TAS2R1: variants seen among roughly 807,000 people sequenced by gnomAD.
The protein encoded by TAS2R1 is taste 2 receptor member 1, also known as taste receptor type 2 member 1.
For missense variants in TAS2R1, 370 were observed against 353.4 expected, an observed-to-expected ratio of 1.05 and a Z score of -0.38; for synonymous variants, 141 against 134.2, an observed-to-expected ratio of 1.05 and a Z score of -0.35.
the TAS2R1 span, among the ~76,000 whole-genome samples, chr5:9,798,141 T>C: frequency 6.6e-6 from 1 of 152,184 alleles, no homozygotes; most frequent in Non-Finnish European, 1.5e-5. Context: ...TCCCATGGTG[T>C]ACGATTTGAT....
chr5:9,736,282 G>A, the TAS2R1 span, among the ~76,000 whole-genome samples: 76 of 152,292 alleles, frequency 5.0e-4, no homozygotes, highest in African/African-American at 1.7e-3. Context: ...CTGTGGGACC[G>A]CAGAAAGCTA....
At chr5:9,758,949 G>C in the TAS2R1 span, among the ~76,000 whole-genome samples, 1 of 152,064 alleles carries the variant, frequency 6.6e-6, no homozygotes, top group East Asian at 1.9e-4. Context: ...ATGAAAAAAC[G>C]CTGATATTTA....
At chr5:9,682,127 ATG>A (rs796346898) in intron 1 of TAS2R1, among the ~76,000 whole-genome samples, 8 of 152,348 alleles carry the variant, frequency 5.3e-5, no homozygotes, top group African/African-American at 1.9e-4. Context: ...AAATGAGAGT[ATG>A]TATTACAAAG....
chr5:9,652,342 A>T (rs1458270163), intron 2 of TAS2R1, among the ~76,000 whole-genome samples: 1 of 152,166 alleles, frequency 6.6e-6, no homozygotes, highest in East Asian at 1.9e-4. Context: ...ACTTCCCAGG[A>T]TCCCTTGGAT....
the TAS2R1 span, among the ~76,000 whole-genome samples, chr5:9,797,990 C>T: frequency 1.3e-5 from 2 of 152,098 alleles, no homozygotes; most frequent in Non-Finnish European, 2.9e-5. Context: ...TGGAAACAAT[C>T]GGGATACCCA....
the TAS2R1 span, among the ~76,000 whole-genome samples, chr5:9,875,748 G>A: frequency 6.6e-6 from 1 of 152,164 alleles, no homozygotes; most frequent in Admixed American, 6.5e-5. Context: ...CCCCAAAAGT[G>A]AGCAGCATCT....
chr5:9,685,802 T>C (rs115465681), intron 1 of TAS2R1, among the ~76,000 whole-genome samples: 1,627 of 152,318 alleles, frequency 0.011, 23 homozygotes, highest in African/African-American at 0.036. Flanking sequence ...CAGAATTAAA[T>C]ATTGTTAAAT....
At chr5:9,771,894 T>G in the TAS2R1 span, among the ~76,000 whole-genome samples, 1 of 152,122 alleles carries the variant, frequency 6.6e-6, no homozygotes, top group African/African-American at 2.4e-5. Context: ...TTGGGTCTTC[T>G]CTTTTTTTCT....
At chr5:9,901,481 A>T in the TAS2R1 span, among the ~76,000 whole-genome samples, 12 of 152,094 alleles carry the variant, frequency 7.9e-5, 1 homozygote, top group African/African-American at 2.7e-4. Context: ...GGAAACAATA[A>T]GAAAAAAATA....
chr5:9,677,587 T>C (rs1740900839), intron 1 of TAS2R1, among the ~76,000 whole-genome samples: 2 of 152,120 alleles, frequency 1.3e-5, no homozygotes, highest in Admixed American at 6.6e-5. Flanking sequence ...ATCAGCATCA[T>C]ACATGATTAT....
the TAS2R1 span, among the ~76,000 whole-genome samples, chr5:9,855,223 T>C: frequency 1.3e-5 from 2 of 152,220 alleles, no homozygotes; most frequent in African/African-American, 2.4e-5. Context: ...ATGGCTCTTA[T>C]CTGACCCATC....
upstream of TAS2R1, among the ~76,000 whole-genome samples, chr5:9,631,663 A>G (rs1346720730): frequency 1.3e-5 from 2 of 152,218 alleles, no homozygotes; most frequent in East Asian, 1.9e-4. Context: ...CAGACCTGAT[A>G]ATGAAGCATA....
chr5:9,871,576 C>T, the TAS2R1 span, among the ~76,000 whole-genome samples: 15 of 152,272 alleles, frequency 9.9e-5, no homozygotes, highest in Admixed American at 2.0e-4. Context: ...TGCACACACT[C>T]GGATGGGGGA....
At chr5:9,634,807 C>G (rs1347115515), upstream of TAS2R1, among the ~76,000 whole-genome samples, 1 of 152,020 alleles carries the variant, frequency 6.6e-6, no homozygotes, top group Non-Finnish European at 1.5e-5. Context: ...TATCCTGAAA[C>G]TTTACTGAAT....
intron 1 of TAS2R1, among the ~76,000 whole-genome samples, chr5:9,702,770 C>T (rs138944393): frequency 1.6e-4 from 25 of 151,902 alleles, no homozygotes; most frequent in Non-Finnish European, 2.9e-4. Context: ...GGAATGCTGA[C>T]GAGAGGCAGG....
the TAS2R1 span, among the ~76,000 whole-genome samples, chr5:9,729,979 G>A: frequency 2.0e-5 from 3 of 152,130 alleles, no homozygotes; most frequent in South Asian, 6.2e-4. Context: ...AGATAAAGGG[G>A]GCAAGAATTC....
chr5:9,796,435 G>C, the TAS2R1 span, among the ~76,000 whole-genome samples: 3 of 152,050 alleles, frequency 2.0e-5, no homozygotes, highest in African/African-American at 7.2e-5. Flanking sequence ...GGCCAGCAAG[G>C]GTCTCAAATA....
At chr5:9,806,765 C>T in the TAS2R1 span, among the ~76,000 whole-genome samples, 1 of 152,080 alleles carries the variant, frequency 6.6e-6, no homozygotes, top group Non-Finnish European at 1.5e-5. Context: ...AAATCAAAGA[C>T]TTAGATCTAT....
At chr5:9,890,834 G>A in the TAS2R1 span, among the ~76,000 whole-genome samples, 6 of 152,076 alleles carry the variant, frequency 3.9e-5, no homozygotes, top group Admixed American at 2.0e-4. Context: ...CTTTAACACC[G>A]GATTCCAAAA....
Sources: allele counts gnomAD v4.1 joint callset (sites outside exome capture counted in the v4.1 genomes callset), GRCh38; gene constraint gnomAD v4.1.1; transcripts MANE v1.5; gene names NCBI Gene and HGNC (gene_info 2026-07-23, HGNC 2026-07-21).